Variants in LIMA1 observed in about 807,000 individuals in gnomAD.
LIMA1 encodes the protein LIM domain and actin-binding protein 1.
LIMA1 carries 52 observed loss-of-function variants against 62.6 expected under a neutral mutation model. The ratio of observed to expected loss-of-function variants is 0.83; its 90% CI spans 0.67 to 1.05. The LOEUF is 1.05. Among genes scored for constraint, LIMA1 ranks in the 50% least tolerant of loss-of-function variants. The probability of loss-of-function intolerance (pLI) is 0.00; values close to 1 mark genes in which losing one functional copy is unlikely to be tolerated. For missense variants in LIMA1, 780 were observed against 902.2 expected (o/e 0.86, Z 1.74); for synonymous variants, 302 against 317.8 (o/e 0.95, Z 0.53).
In LIMA1 at chr12:50,248,618, A is replaced by T. The variant is rs763128333; in HGVS notation, c.119+15T>A. 6.7e-7 allele frequency: 1 copy of T among 1,502,876 alleles called. No individual in the cohort carries two copies. The highest frequency in any genetic ancestry group is 2.3e-5 in the East Asian group (1 of 44,386). The allele number at this position is 1,502,876 out of a possible 1,614,324, so 93.1% of individuals were successfully genotyped here. On this transcript the variant is annotated intron_variant, in intron 2 of 10. Transcript: ENST00000341247. ...TCCAGACAGATGGTCCTTTTGGACC[A>T]GGATCAGCACTTACTTGGAGAATAT...
At chr12:50,204,391 G>A in intron 6 of LIMA1, 161 bp downstream of exon 6, 1 of 775,502 alleles carries the variant, frequency 1.3e-6, no homozygotes, top group Non-Finnish European at 1.9e-6. Context: ...ACCATGGTAA[G>A]AACTGCAAAT....
intron 4 of LIMA1, among the ~76,000 whole-genome samples, chr12:50,217,105 A>C (rs931399848): frequency 6.6e-6 from 1 of 151,804 alleles, no homozygotes; most frequent in Non-Finnish European, 1.5e-5. Flanking sequence ...AATTTATAAA[A>C]ATAAGTTTTT....
At chr12:50,225,203 C>T (rs1941508205) in intron 3 of LIMA1, among the ~76,000 whole-genome samples, 1 of 151,590 alleles carries the variant, frequency 6.6e-6, no homozygotes, top group East Asian at 1.9e-4. Flanking sequence ...CGCCTGGCCC[C>T]AACTGTCTCT....
At chr12:50,250,798 G>T (rs1410896112) in intron 1 of LIMA1, among the ~76,000 whole-genome samples, 1 of 152,016 alleles carries the variant, frequency 6.6e-6, no homozygotes, top group Non-Finnish European at 1.5e-5. Context: ...TGGGAATGTT[G>T]GCCTCATCAC....
At chr12:50,258,073 C>T (rs1266943982) in intron 1 of LIMA1, among the ~76,000 whole-genome samples, 3 of 152,126 alleles carry the variant, frequency 2.0e-5, no homozygotes, top group Non-Finnish European at 4.4e-5. Context: ...CACTTCCTTA[C>T]TTTCTAGCAC....
At chr12:50,240,012 A>G (rs1483726077) in intron 2 of LIMA1, among the ~76,000 whole-genome samples, 1 of 138,734 alleles carries the variant, frequency 7.2e-6, no homozygotes, top group Non-Finnish European at 1.5e-5. Flanking sequence ...ATAACATAAC[A>G]TAACATAACA....
intron 9 of LIMA1, chr12:50,190,040 T>A (rs1383690350): frequency 1.0e-5 from 1 of 96,642 alleles, no homozygotes. Flanking sequence ...TTTTTTGAGA[T>A]GGAATCTCAC....
intron 2 of LIMA1, among the ~76,000 whole-genome samples, chr12:50,247,931 A>G (rs1339089837): frequency 6.6e-6 from 1 of 151,958 alleles, no homozygotes; most frequent in Non-Finnish European, 1.5e-5. Flanking sequence ...GCCTGACCGG[A>G]TGTGTTCTAA....
rs146556649 is a variant in LIMA1 at position 50,192,062 on chromosome 12, G to C, written c.1140+390C>G. On this transcript the variant is annotated intron_variant, in intron 9 of 10. Transcript: ENST00000341247. ...AGACAGGAGAATTGCTTGAACATGGGGGGGCGGAGGTTACAGTAAGCCGAG... is the reference window on the plus strand; with the variant it reads ...AGACAGGAGAATTGCTTGAACATGGCGGGGCGGAGGTTACAGTAAGCCGAG... Among the ~76,000 whole-genome samples, 619 of 151,306 alleles carry C rather than the reference G, an allele frequency of 4.1e-3. 1 individual carries two copies. The highest frequency in any genetic ancestry group is 0.014 in the African/African-American group (581 of 41,176).
At chr12:50,185,247 G>A in intron 9 of LIMA1, 1 of 396,016 alleles carries the variant, frequency 2.5e-6, no homozygotes, top group Non-Finnish European at 5.0e-6. Context: ...GATGGATACT[G>A]TTCTGCTAAA....
At chr12:50,257,357 T>G (rs1942010026) in intron 1 of LIMA1, among the ~76,000 whole-genome samples, 1 of 151,906 alleles carries the variant, frequency 6.6e-6, no homozygotes, top group South Asian at 2.1e-4. Context: ...GCCGAAAGAG[T>G]GAGGGTCGTG....
intron 1 of LIMA1, among the ~76,000 whole-genome samples, chr12:50,275,043 C>G (rs1029116709): frequency 1.3e-5 from 2 of 152,072 alleles, no homozygotes; most frequent in African/African-American, 4.8e-5. Flanking sequence ...TTTGCAAGAT[C>G]AGATATATTT....
intron 2 of LIMA1, among the ~76,000 whole-genome samples, chr12:50,235,077 C>T (rs1381543739): frequency 6.6e-6 from 1 of 151,932 alleles, no homozygotes; most frequent in African/African-American, 2.4e-5. Context: ...GGTCTAAAGA[C>T]GTCTACCATC....
At chr12:50,179,103 G>A (rs1266624387) in intron 10 of LIMA1, among the ~76,000 whole-genome samples, 1 of 151,784 alleles carries the variant, frequency 6.6e-6, no homozygotes, top group South Asian at 2.1e-4. Context: ...AGCCTCCTGA[G>A]TAGCTGGGAT....
rs781545813 is a variant in LIMA1, at chr12:50,177,412, C to G, written c.1932G>C (p.Lys644Asn). 6.2e-7 allele frequency: 1 copy of G among 1,614,072 alleles called. No homozygotes were observed. The highest frequency in any genetic ancestry group is 8.5e-7 in the Non-Finnish European group (1 of 1,180,054). The change falls in exon 11 of 11, where the codon AAG becomes AAC. Residue 644 changes from lysine (K) to asparagine (N), a missense_variant. Transcript: ENST00000341247. ...KQVENAKASKKNGNVGKTTWQ... is the reference protein window; with the variant it reads ...KQVENAKASKNNGNVGKTTWQ... Reference sequence around the variant, plus strand: ...AGGTTGTTTTTCCCACATTCCCATTCTTCTTAGAAGCCTTGGCATTTTCCA... The same window carrying G: ...AGGTTGTTTTTCCCACATTCCCATTGTTCTTAGAAGCCTTGGCATTTTCCA...
At chr12:50,271,787 G>C (rs149592040) in intron 1 of LIMA1, among the ~76,000 whole-genome samples, 2 of 152,192 alleles carry the variant, frequency 1.3e-5, no homozygotes, top group African/African-American at 4.8e-5. Context: ...ACATGTAGGG[G>C]CTCAATAAAT....
chr12:50,255,573 GA>G (rs201776559), intron 1 of LIMA1, among the ~76,000 whole-genome samples: 1,976 of 121,020 alleles, frequency 0.016, 42 homozygotes, highest in African/African-American at 0.057. Flanking sequence ...GAAAAGAAAA[GA>G]AAAAAAAAAG....
chr12:50,218,014 C>T (rs1322944771), intron 4 of LIMA1: 2 of 152,098 alleles, frequency 1.3e-5, no homozygotes, highest in African/African-American at 4.9e-5. Context: ...ACGCCATTCT[C>T]CTGCCTCAGC....
intron 2 of LIMA1, chr12:50,234,158 C>T (rs907430218): frequency 2.6e-5 from 12 of 456,368 alleles, no homozygotes; most frequent in East Asian, 7.0e-5. Flanking sequence ...CTAAGTGGTC[C>T]GGAGATTTGT....
Sources: allele counts gnomAD v4.1 joint callset (sites outside exome capture counted in the v4.1 genomes callset), GRCh38; gene constraint gnomAD v4.1.1; transcripts MANE v1.5; gene names NCBI Gene and HGNC (gene_info 2026-07-23, HGNC 2026-07-21).